The following MYO1F variants were observed in gnomAD, a reference collection of about 807,000 sequenced individuals.
The protein encoded by MYO1F is myosin IF.
In MYO1F, 60 loss-of-function variants were observed where a neutral mutation model predicts 146.6. That is an observed-to-expected ratio of 0.41 (90% CI 0.33 to 0.51). The LOEUF is 0.51. Ranked by LOEUF, MYO1F falls within the 20% of genes least tolerant of loss-of-function variation. The pLI, the probability that MYO1F is intolerant of heterozygous loss-of-function variation, is 0.25. For synonymous variants in MYO1F, 602 were observed against 602.1 expected, an observed-to-expected ratio of 1.00 and a Z score of 0.00; for missense variants, 1,274 against 1,534.3, an observed-to-expected ratio of 0.83 and a Z score of 2.83.
In MYO1F at chr19:8,524,702, G is replaced by C. The variant is rs578250022; in HGVS notation, c.2854+777C>G. Among the ~76,000 whole-genome samples the C allele has an allele frequency of 5.3e-5, 8 of 152,298 alleles. No individual in the cohort carries two copies. In the South Asian group the frequency reaches 1.7e-3, roughly 32 times the overall value. On this transcript the variant is annotated intron_variant, in intron 25 of 27. Coordinates refer to ENST00000644032, the MANE Select transcript of MYO1F (RefSeq NM_012335.4). ...GCCTACCAAGAGTGCTTGGATTACA[G>C]GTGTGAGCCATCTTGCCTGGCCAGG...
At chr19:8,558,908 T>C (rs777885618) in intron 1 of MYO1F, among the ~76,000 whole-genome samples, 3 of 152,104 alleles carry the variant, frequency 2.0e-5, no homozygotes, top group Non-Finnish European at 4.4e-5. Flanking sequence ...GGGGTCTCAC[T>C]GCTTTGCCCA....
chr19:8,576,354 C>T (rs34644563), intron 1 of MYO1F: 1,548 of 152,528 alleles, frequency 0.01, 10 homozygotes, highest in South Asian at 0.023. Flanking sequence ...ACCTCTGCCT[C>T]TTGCCCTATG....
chr19:8,542,055 G>T, intron 14 of MYO1F, 64 bp from the exon 15 acceptor site: 4 of 1,307,830 alleles, frequency 3.1e-6, no homozygotes, highest in Non-Finnish European at 4.4e-6. Context: ...GTGGGCGTGG[G>T]GTGCTTACAG....
intron 19 of MYO1F, among the ~76,000 whole-genome samples, chr19:8,532,903 T>TATATCTATAC (rs1972545379): frequency 8.8e-6 from 1 of 113,164 alleles, no homozygotes; most frequent in Non-Finnish European, 1.8e-5. Flanking sequence ...AAAAAAAAAA[T>TATATCTATAC]ACACACACAC....
rs190847721 is a variant in MYO1F at position 8,571,889 on chromosome 19, G to A, written c.3+5418C>T. On this transcript the variant is annotated intron_variant, in intron 1 of 27. Coordinates refer to ENST00000644032, the MANE Select transcript of MYO1F (RefSeq NM_012335.4). ...TGGGATTATAGGTGTAAGCCACCGC[G>A]CCCAGCCCCTGTATTTTTAGAGACG... 4.2e-3 allele frequency among the ~76,000 whole-genome samples: 641 copies of A among 152,040 alleles called. 1 individual carries two copies. Among genetic ancestry groups the A allele is most frequent in the Middle Eastern group, 0.02 (6 of 294 alleles).
At chr19:8,534,301 A>G (rs1972613224) in intron 19 of MYO1F, among the ~76,000 whole-genome samples, 1 of 151,342 alleles carries the variant, frequency 6.6e-6, no homozygotes, top group Non-Finnish European at 1.5e-5. Context: ...ACCGTTGGCT[A>G]TTTTTCTTTT....
At position 8,530,600 on chromosome 19, in the gene MYO1F, GT is replaced by G. The variant is rs769756955; in HGVS notation, c.2044-28del. ...TGGGCGGGGGTCGTGGGGGGCAAGG[GT>G]GAGTCCTGGTGTCTCCCCAGGGGCT... On this transcript the variant is annotated intron_variant, in intron 19 of 27. Transcript: ENST00000644032. The surrounding 1 kb of genome is among the most constrained non-coding windows in gnomAD (Gnocchi z 5.8). 1 of 1,544,522 alleles carries G rather than the reference GT, an allele frequency of 6.5e-7. No individual in the cohort carries two copies. The highest frequency in any genetic ancestry group is 8.9e-7 in the Non-Finnish European group (1 of 1,125,132).
chr19:8,561,985 G>A (rs1273164224), intron 1 of MYO1F, among the ~76,000 whole-genome samples: 2 of 151,074 alleles, frequency 1.3e-5, no homozygotes, highest in South Asian at 2.1e-4. Context: ...AAAGTGCTGG[G>A]ATTACAGGCA....
chr19:8,524,075 C>T (rs550744455), intron 25 of MYO1F, among the ~76,000 whole-genome samples: 135 of 138,574 alleles, frequency 9.7e-4, no homozygotes, highest in African/African-American at 3.4e-3. Flanking sequence ...GCCAAGATCA[C>T]GCCACTGCAC....
intron 14 of MYO1F, among the ~76,000 whole-genome samples, chr19:8,543,699 GTGGTGGTGCTGGTGGTGGTGGTGGTGC>G (rs1973102101): frequency 5.3e-5 from 1 of 19,020 alleles, no homozygotes; most frequent in African/African-American, 2.0e-4. Context: ...GGTGGTGGTG[GTGGTGGTGCTGGTGGTGGTGGTGGTGC>G]TGGTGGTGCT....
At chr19:8,544,587 G>T in intron 13 of MYO1F, 123 bp from the exon 14 acceptor site, 3 of 941,250 alleles carry the variant, frequency 3.2e-6, no homozygotes, top group African/African-American at 1.7e-5. Flanking sequence ...AGCTTTGGGG[G>T]TGGGGAGGGC....
intron 1 of MYO1F, among the ~76,000 whole-genome samples, chr19:8,571,142 A>G (rs898901287): frequency 6.6e-6 from 1 of 152,220 alleles, no homozygotes; most frequent in African/African-American, 2.4e-5. Context: ...TGAAGACAGC[A>G]AACAAACAGC....
chr19:8,574,595 CTCTTTCTT>C lies in MYO1F; in HGVS notation c.3+2704_3+2711del, dbSNP rs58145523. Among the ~76,000 whole-genome samples, 149 of 105,782 alleles carry C rather than the reference CTCTTTCTT, an allele frequency of 1.4e-3. 1 individual carries two copies. The highest frequency in any genetic ancestry group is 2.7e-3 in the East Asian group (11 of 4,070). The allele number at this position is 105,782 out of a possible 152,430, so 69.4% of individuals were successfully genotyped here. A position where few individuals can be genotyped will look rare whatever the true frequency, so the allele number is the denominator to read the frequency against. On this transcript the variant is annotated intron_variant, in intron 1 of 27. Transcript: ENST00000644032. ...TCTTTCTTTCTCTCTCTCTCTCTCT[CTCTTTCTT>C]TCTTTCTTTCTTTCTTTCTTTCTTT... is the stretch of plus-strand genomic sequence containing the variant.
chr19:8,561,862 G>A (rs919906758), intron 1 of MYO1F, among the ~76,000 whole-genome samples: 58 of 151,438 alleles, frequency 3.8e-4, no homozygotes, highest in African/African-American at 1.0e-3. Context: ...GACTATAGGC[G>A]CGCACCACCA....
At chr19:8,544,720 C>T (rs1341307155) in intron 13 of MYO1F, among the ~76,000 whole-genome samples, 1 of 152,002 alleles carries the variant, frequency 6.6e-6, no homozygotes, top group African/African-American at 2.4e-5. Flanking sequence ...GGTGGGGACC[C>T]CTCAAGAGAT....
rs1302078853 is a variant in MYO1F at position 8,545,676 on chromosome 19, C to T, written c.1330G>A (p.Val444Ile). Residue 444 changes from valine (V) to isoleucine (I), a missense_variant, in exon 13 of 28, where the codon GTC becomes ATC. Coordinates refer to ENST00000644032, the MANE Select transcript of MYO1F (RefSeq NM_012335.4). ...AGCTTGTTTTCGATGAGGTCACAGA[C>T]GACCTTGTTGTTGAAGTACTGGATT... ...TPIQYFNNKV[V>I]CDLIENKLSP... The T allele has an allele frequency of 5.0e-6, 8 of 1,613,972 alleles. No homozygotes were observed. The highest frequency in any genetic ancestry group is 6.8e-6 in the Non-Finnish European group (8 of 1,180,002).
intron 13 of MYO1F, among the ~76,000 whole-genome samples, chr19:8,544,758 A>AG (rs1282844360): frequency 6.6e-6 from 1 of 151,960 alleles, no homozygotes; most frequent in Non-Finnish European, 1.5e-5. Context: ...ATCCCTTGGT[A>AG]GGGGGACCTG....
rs1157353027 is a variant in MYO1F at position 8,550,701 on chromosome 19, T to G, written c.772-7A>C. 3 of 1,613,870 alleles carry G rather than the reference T, an allele frequency of 1.9e-6. No individual in the cohort carries two copies. Among genetic ancestry groups the G allele is most frequent in the Non-Finnish European group, 2.5e-6 (3 of 1,180,000 alleles). Reference sequence around the variant, plus strand: ...CAATAACCTGCATAGCACTCTGTGGTACAACGGGGGCAGAAACTGTGCCGT... The same window carrying G: ...CAATAACCTGCATAGCACTCTGTGGGACAACGGGGGCAGAAACTGTGCCGT... On this transcript the variant is annotated splice_region_variant and splice_polypyrimidine_tract_variant and intron_variant, in intron 8 of 27. Coordinates refer to ENST00000644032, the MANE Select transcript of MYO1F (RefSeq NM_012335.4).
At chr19:8,566,201 T>C (rs1194791955) in intron 1 of MYO1F, among the ~76,000 whole-genome samples, 1 of 148,154 alleles carries the variant, frequency 6.7e-6, no homozygotes, top group East Asian at 2.0e-4. Context: ...GGAGTCTTGC[T>C]TTCTCGCCCA....
Sources: gnomAD v4.1 joint callset for allele counts (sites outside exome capture counted in the v4.1 genomes callset) on GRCh38, gnomAD v4.1.1 for gene constraint, Gnocchi (gnomAD v3.1) non-coding constraint, MANE v1.5 for transcripts, NCBI Gene and HGNC (gene_info 2026-07-23, HGNC 2026-07-21) for gene names.